The following ASIC2 variants were observed in gnomAD, a reference collection of about 807,000 sequenced individuals.
ASIC2 encodes the protein acid-sensing ion channel 2.
A neutral mutation model predicts 57.3 loss-of-function variants in ASIC2; 25 were observed. The ratio of observed to expected loss-of-function variants is 0.44; its 90% confidence interval spans 0.32 to 0.61. ASIC2 has a LOEUF of 0.61. Among genes scored for constraint, ASIC2 ranks in the 20% least tolerant of loss-of-function variants. The pLI, the probability that ASIC2 is intolerant of heterozygous loss-of-function variation, is 0.06. For synonymous variants in ASIC2, 319 were observed against 307.5 expected (o/e 1.04, Z -0.39); for missense variants, 641 against 738.1 (o/e 0.87, Z 1.52).
At chr17:33,752,888 G>A (rs2701489) in intron 1 of ASIC2, among the ~76,000 whole-genome samples, 59,802 of 152,064 alleles carry the variant, frequency 0.39, 12,588 homozygotes, top group Non-Finnish European at 0.49. Flanking sequence ...AAGAAAGTTT[G>A]GCAGTTCCTT....
intron 1 of ASIC2, among the ~76,000 whole-genome samples, chr17:33,848,222 C>T (rs1913667403): frequency 6.6e-6 from 1 of 152,092 alleles, no homozygotes; most frequent in Non-Finnish European, 1.5e-5. Context: ...TCTACTGGAG[C>T]TAACATGGGC....
chr17:33,017,746 G>C (rs1567717649), intron 7 of ASIC2, 62 bp from the exon 8 acceptor site: 14 of 1,489,926 alleles, frequency 9.4e-6, no homozygotes, highest in Non-Finnish European at 1.2e-5. Context: ...AGGGTGAACA[G>C]ACTGAGATGC....
At chr17:33,291,326 C>T in intron 1 of ASIC2, 82 bp downstream of exon 1, 1 of 1,493,480 alleles carries the variant, frequency 6.7e-7, no homozygotes, top group Non-Finnish European at 8.9e-7. Context: ...TGGGGACAGC[C>T]CCGAGGGGGC....
At chr17:33,326,262 A>G (rs1223929842) in intron 1 of ASIC2, among the ~76,000 whole-genome samples, 1 of 152,202 alleles carries the variant, frequency 6.6e-6, no homozygotes, top group Non-Finnish European at 1.5e-5. Flanking sequence ...TTTATGAGCA[A>G]GGAAATCGAG....
chr17:33,255,397 A>G (rs1290929872), intron 1 of ASIC2, among the ~76,000 whole-genome samples: 1 of 151,992 alleles, frequency 6.6e-6, no homozygotes, highest in Admixed American at 6.5e-5. Context: ...GGAAAAAAAG[A>G]GAGTGGTTAG....
At chr17:33,765,621 A>C (rs1305583999) in intron 1 of ASIC2, among the ~76,000 whole-genome samples, 1 of 152,192 alleles carries the variant, frequency 6.6e-6, no homozygotes, top group Non-Finnish European at 1.5e-5. Context: ...CAGTTCTTAA[A>C]AAATCTGAAC....
intron 1 of ASIC2, among the ~76,000 whole-genome samples, chr17:33,732,819 G>A (rs922480895): frequency 6.6e-6 from 1 of 152,024 alleles, no homozygotes; most frequent in African/African-American, 2.4e-5. Flanking sequence ...TGTAATTTTA[G>A]TAGAGACAGG....
At chr17:33,080,563 C>T (rs569023207) in intron 3 of ASIC2, among the ~76,000 whole-genome samples, 1 of 152,168 alleles carries the variant, frequency 6.6e-6, no homozygotes, top group South Asian at 2.1e-4. Flanking sequence ...TACATACATA[C>T]ATACATACCT....
intron 1 of ASIC2, among the ~76,000 whole-genome samples, chr17:34,034,578 G>A (rs896489972): frequency 1.3e-4 from 20 of 152,192 alleles, no homozygotes; most frequent in African/African-American, 4.3e-4. Context: ...AATTGTCCCT[G>A]TTTGCAGATG....
At chr17:33,967,918 G>C (rs946353199) in intron 1 of ASIC2, among the ~76,000 whole-genome samples, 1 of 152,140 alleles carries the variant, frequency 6.6e-6, no homozygotes, top group Non-Finnish European at 1.5e-5. Context: ...AATTGTTAAA[G>C]CTTTTTCAAC....
At chr17:33,117,052 C>T (rs1011235966) in intron 1 of ASIC2, among the ~76,000 whole-genome samples, 1 of 151,862 alleles carries the variant, frequency 6.6e-6, no homozygotes, top group African/African-American at 2.4e-5. Context: ...GAGGGTTTCA[C>T]TATGTTGCCC....
intron 1 of ASIC2, among the ~76,000 whole-genome samples, chr17:33,189,762 C>G (rs920770524): frequency 2.0e-5 from 3 of 152,018 alleles, no homozygotes; most frequent in Admixed American, 2.0e-4. Flanking sequence ...TAATAATAAA[C>G]CTGTATACCC....
intron 1 of ASIC2, among the ~76,000 whole-genome samples, chr17:33,277,269 G>C (rs1410483346): frequency 6.6e-6 from 1 of 152,134 alleles, no homozygotes; most frequent in Non-Finnish European, 1.5e-5. Context: ...CTGACTTTGA[G>C]ACTTGGAGAA....
chr17:33,369,859 T>A (rs1908975534), intron 1 of ASIC2, among the ~76,000 whole-genome samples: 1 of 152,206 alleles, frequency 6.6e-6, no homozygotes, highest in Non-Finnish European at 1.5e-5. Flanking sequence ...ATTCTTAGTA[T>A]AAGGAACACA....
At chr17:33,970,384 C>T (rs1257674424) in intron 1 of ASIC2, among the ~76,000 whole-genome samples, 1 of 152,176 alleles carries the variant, frequency 6.6e-6, no homozygotes, top group East Asian at 1.9e-4. Flanking sequence ...TTGGTCTCTG[C>T]CTAGTGGGAT....
intron 3 of ASIC2, among the ~76,000 whole-genome samples, chr17:33,085,804 T>C (rs1457069792): frequency 1.3e-5 from 2 of 152,348 alleles, no homozygotes; most frequent in East Asian, 1.9e-4. Flanking sequence ...TACATGTAAA[T>C]ATAATGTATT....
intron 1 of ASIC2, among the ~76,000 whole-genome samples, chr17:33,643,397 A>G (rs1464913414): frequency 6.6e-6 from 1 of 152,154 alleles, no homozygotes; most frequent in Non-Finnish European, 1.5e-5. Context: ...TCTCCTTTCA[A>G]TGCTGTTCAC....
intron 1 of ASIC2, among the ~76,000 whole-genome samples, chr17:34,026,238 T>C (rs1382842631): frequency 1.3e-5 from 2 of 152,210 alleles, no homozygotes; most frequent in East Asian, 3.8e-4. Context: ...TCAAGGTGTG[T>C]ATTCCCAACA....
intron 1 of ASIC2, among the ~76,000 whole-genome samples, chr17:33,787,775 A>C (rs1354993429): frequency 6.6e-6 from 1 of 152,190 alleles, no homozygotes; most frequent in Non-Finnish European, 1.5e-5. Flanking sequence ...CTGTGTGCCC[A>C]TCCAAATCGC....
Sources: allele counts gnomAD v4.1 joint callset (sites outside exome capture counted in the v4.1 genomes callset), GRCh38; gene constraint gnomAD v4.1.1; transcripts MANE v1.5; gene names NCBI Gene and HGNC (gene_info 2026-07-23, HGNC 2026-07-21).